Variants in TMEM163 observed in about 807,000 individuals in gnomAD.
TMEM163 encodes transmembrane protein 163.
Under a neutral mutation model 29.3 loss-of-function variants are expected in TMEM163, and 17 were observed. The ratio of observed to expected loss-of-function variants is 0.58; its 90% CI spans 0.40 to 0.87. The LOEUF (loss-of-function observed/expected upper bound fraction) is 0.87, where lower values mean the gene tolerates loss of function less well. TMEM163 is among the 40% of genes least tolerant of loss of function. The pLI is 0.00. For missense variants in TMEM163, 303 were observed against 381.5 expected (o/e 0.79, Z 1.71); for synonymous variants, 157 against 160.6 (o/e 0.98, Z 0.17).
intron 2 of TMEM163, among the ~76,000 whole-genome samples, chr2:134,649,865 G>C (rs1313150784): frequency 9.9e-5 from 15 of 151,806 alleles, no homozygotes; most frequent in Admixed American, 9.8e-4. Context: ...AATTAGCCAG[G>C]CATGGTAGCA....
At chr2:134,565,589 G>A (rs1574242373) in intron 2 of TMEM163, among the ~76,000 whole-genome samples, 2 of 151,462 alleles carry the variant, frequency 1.3e-5, no homozygotes, top group African/African-American at 4.9e-5. Flanking sequence ...CTGAGCGACT[G>A]AGGGCAAGAC....
At chr2:134,704,640 G>A (rs1387921953) in intron 2 of TMEM163, among the ~76,000 whole-genome samples, 4 of 152,010 alleles carry the variant, frequency 2.6e-5, no homozygotes, top group African/African-American at 4.8e-5. Context: ...CCAGGGTATC[G>A]ACCTACGAAA....
At chr2:134,461,219 C>T (rs986047412) in intron 6 of TMEM163, among the ~76,000 whole-genome samples, 1 of 152,226 alleles carries the variant, frequency 6.6e-6, no homozygotes, top group Non-Finnish European at 1.5e-5. Flanking sequence ...ATGGCTGAGG[C>T]CATCCTGATT....
chr2:134,603,797 C>A (rs892708598), intron 2 of TMEM163, among the ~76,000 whole-genome samples: 4 of 144,624 alleles, frequency 2.8e-5, no homozygotes, highest in Non-Finnish European at 6.0e-5. Flanking sequence ...CACTGTTTTG[C>A]CCACATCTGG....
At chr2:134,562,403 A>G (rs1354317458) in intron 2 of TMEM163, among the ~76,000 whole-genome samples, 1 of 152,240 alleles carries the variant, frequency 6.6e-6, no homozygotes, top group African/African-American at 2.4e-5. Context: ...CTTTTATTTA[A>G]TGTGTGACAG....
At chr2:134,527,621 C>T (rs1010800544) in intron 4 of TMEM163, among the ~76,000 whole-genome samples, 6 of 152,122 alleles carry the variant, frequency 3.9e-5, no homozygotes, top group Non-Finnish European at 5.9e-5. Context: ...CTCCACTTCC[C>T]GCTCTCCCGG....
intron 2 of TMEM163, among the ~76,000 whole-genome samples, chr2:134,665,070 G>C (rs1683844492): frequency 6.6e-6 from 1 of 152,020 alleles, no homozygotes; most frequent in Non-Finnish European, 1.5e-5. Flanking sequence ...TAAATTTGTG[G>C]TAATTTCTAA....
intron 5 of TMEM163, among the ~76,000 whole-genome samples, chr2:134,476,349 T>C (rs1324168584): frequency 6.6e-6 from 1 of 152,154 alleles, no homozygotes; most frequent in Admixed American, 6.5e-5. Context: ...GAGGGATCAT[T>C]CTGGGGATGA....
rs376771046 is a variant in TMEM163, at chr2:134,511,153, C to G, written c.459-8156G>C. ...AAGCAGAAAAAAGGGGAGAACAAGG[C>G]GGGGGGGGGTGCTGTTACTTTATAT... is the stretch of plus-strand genomic sequence containing the variant. On this transcript the variant is annotated intron_variant, in intron 4 of 7. Coordinates refer to ENST00000281924, the MANE Select transcript of TMEM163 (RefSeq NM_030923.5). 3.9e-3 allele frequency among the ~76,000 whole-genome samples: 482 copies of G among 122,260 alleles called. 2 individuals carry two copies. The highest frequency in any genetic ancestry group is 0.011 in the African/African-American group (299 of 27,008). The allele number at this position is 122,260 out of a possible 152,430, so 80.2% of individuals were successfully genotyped here.
intron 2 of TMEM163, among the ~76,000 whole-genome samples, chr2:134,612,952 TA>T (rs1305038785): frequency 6.6e-6 from 1 of 152,200 alleles, no homozygotes; most frequent in Non-Finnish European, 1.5e-5. Flanking sequence ...TTAGACTTAC[TA>T]GACAAAAACT....
chr2:134,715,407 T>C (rs1256839983), intron 1 of TMEM163, among the ~76,000 whole-genome samples: 2 of 152,188 alleles, frequency 1.3e-5, no homozygotes, highest in African/African-American at 4.8e-5. Flanking sequence ...CGACCAGTAC[T>C]TCTTCCCCAG....
At position 134,615,017 on chromosome 2, in the gene TMEM163, GA is replaced by G. The variant is rs1484847049; in HGVS notation, c.323-62927del. On this transcript the variant is annotated intron_variant, in intron 2 of 7. Transcript: ENST00000281924. The stretch of plus-strand genomic sequence containing the variant: ...TCAACATTAAAAATTAATCTAATTA[GA>G]AGATGAGCAAAAAAACATTAACATA... Among the ~76,000 whole-genome samples the G allele has an allele frequency of 1.5e-4, 23 of 152,122 alleles. No homozygotes were observed. The South Asian group carries it at 4.6e-3, about 30-fold the overall frequency.
chr2:134,501,034 G>C (rs1472105635), intron 5 of TMEM163, among the ~76,000 whole-genome samples: 1 of 152,098 alleles, frequency 6.6e-6, no homozygotes, highest in African/African-American at 2.4e-5. Flanking sequence ...TTGAGATAAT[G>C]GATATGGTAA....
Position 134,485,952 on chromosome 2 carries a change from C to T in TMEM163, c.555+16949G>A, listed in dbSNP as rs943758391. On this transcript the variant is annotated intron_variant, in intron 5 of 7. Transcript: ENST00000281924. ...TCACACTGGGTAGCACACCTGTGGC[C>T]TGCTCCATGAGAAAGTCCCCTTGAA... Among the ~76,000 whole-genome samples the T allele has an allele frequency of 2.0e-4, 30 of 152,300 alleles. 1 individual carries two copies. The highest frequency in any genetic ancestry group is 3.4e-3 in the Middle Eastern group (1 of 294).
chr2:134,473,459 A>G (rs1190013386), intron 5 of TMEM163, among the ~76,000 whole-genome samples: 1 of 151,404 alleles, frequency 6.6e-6, no homozygotes, highest in Non-Finnish European at 1.5e-5. Flanking sequence ...CACTTGAACC[A>G]GGGAGGCAGA....
chr2:134,706,967 G>A (rs1448808524), intron 2 of TMEM163, among the ~76,000 whole-genome samples: 1 of 152,184 alleles, frequency 6.6e-6, no homozygotes, highest in East Asian at 1.9e-4. Flanking sequence ...GTCGGAGCAA[G>A]GTTCCCAAAC....
chr2:134,504,099 C>T (rs938701541), intron 4 of TMEM163, among the ~76,000 whole-genome samples: 8 of 152,110 alleles, frequency 5.3e-5, no homozygotes, highest in African/African-American at 1.9e-4. Context: ...CCGTGGAGTC[C>T]CTTCTCTAGA....
chr2:134,632,893 C>T (rs925915428), intron 2 of TMEM163, among the ~76,000 whole-genome samples: 1 of 151,544 alleles, frequency 6.6e-6, no homozygotes, highest in Admixed American at 6.6e-5. Flanking sequence ...CAGGCACCCG[C>T]CACCACACCC....
intron 2 of TMEM163, among the ~76,000 whole-genome samples, chr2:134,688,345 G>A (rs2104881012): frequency 6.6e-6 from 1 of 151,662 alleles, no homozygotes; most frequent in East Asian, 2.0e-4. Flanking sequence ...TCAAAGGTCG[G>A]CTGCCAGAAA....
Sources: gnomAD v4.1 joint callset for allele counts (sites outside exome capture counted in the v4.1 genomes callset) on GRCh38, gnomAD v4.1.1 for gene constraint, MANE v1.5 for transcripts, NCBI Gene and HGNC (gene_info 2026-07-23, HGNC 2026-07-21) for gene names.